The following ZNF454 variants were observed in gnomAD, a reference collection of about 807,000 sequenced individuals.
The protein encoded by ZNF454 is zinc finger protein 454.
A neutral mutation model predicts 48.2 loss-of-function variants in ZNF454; 30 were observed. The observed-to-expected ratio is 0.62, with a 90% CI of 0.47 to 0.84. The LOEUF (loss-of-function observed/expected upper bound fraction) is 0.84. Ranked by LOEUF, ZNF454 falls within the 40% of genes least tolerant of loss-of-function variation. The pLI, the probability that ZNF454 is intolerant of heterozygous loss-of-function variation, is 0.00. For synonymous variants in ZNF454, 204 were observed against 211.4 expected (o/e 0.97, Z 0.30); for missense variants, 510 against 623.1 (o/e 0.82, Z 1.93).
intron 4 of ZNF454, among the ~76,000 whole-genome samples, chr5:178,957,478 C>T (rs773890281): frequency 1.4e-4 from 21 of 151,866 alleles, no homozygotes; most frequent in Non-Finnish European, 2.5e-4. Flanking sequence ...GGCACGATCT[C>T]GGCTCACTGC....
At chr5:178,959,646 C>A (rs937524776) in intron 4 of ZNF454, among the ~76,000 whole-genome samples, 60 of 152,028 alleles carry the variant, frequency 3.9e-4, no homozygotes, top group African/African-American at 1.3e-3. Flanking sequence ...CGCTCTGTTG[C>A]CCAGGCTGGA....
At chr5:178,981,566 T>C in the ZNF454 span, 3 of 1,005,124 alleles carry the variant, frequency 3.0e-6, no homozygotes, top group African/African-American at 3.2e-5. This position sits in a 1 kb window ranked among gnomAD's most constrained non-coding sequence, Gnocchi z 5.1. Context: ...CCACTGACTG[T>C]TCACCGTGGA....
At chr5:178,973,569 C>T in the ZNF454 span, among the ~76,000 whole-genome samples, 4 of 152,144 alleles carry the variant, frequency 2.6e-5, no homozygotes, top group Admixed American at 1.3e-4. Context: ...CTGGGCCGGG[C>T]GCAGTGGCTC....
At chr5:178,989,210 CACCCTCACCA>C in the ZNF454 span, 2 of 269,408 alleles carry the variant, frequency 7.4e-6, no homozygotes, top group Non-Finnish European at 5.8e-6. Context: ...TCCCCCTCCC[CACCCTCACCA>C]CCCTCCCCAC....
In ZNF454 at chr5:178,965,990, A is replaced by T. The variant is rs1331832253; in HGVS notation, c.*17A>T. ...GAGAAGTGATATGAATGCAGTTTGT[A>T]TGGAAGACCTTTGAGACTGAGTAGA... is the stretch of plus-strand genomic sequence containing the variant. On this transcript the variant is annotated 3_prime_UTR_variant, in exon 5 of 5. Coordinates refer to ENST00000519564, the MANE Select transcript of ZNF454 (RefSeq NM_001178089.3). This position sits in a 1 kb window ranked among gnomAD's most constrained non-coding sequence, Gnocchi z 5.2. 1 of 1,527,646 alleles carries T rather than the reference A, an allele frequency of 6.5e-7. No individual in the cohort carries two copies. The highest frequency in any genetic ancestry group is 2.3e-5 in the East Asian group (1 of 44,242). The allele number at this position is 1,527,646 out of a possible 1,614,324, so 94.6% of individuals were successfully genotyped here.
At chr5:178,972,803 G>A in the ZNF454 span, among the ~76,000 whole-genome samples, 10 of 152,164 alleles carry the variant, frequency 6.6e-5, no homozygotes, top group South Asian at 1.0e-3. Flanking sequence ...AAGGGCAGGC[G>A]GAGTGCTGAC....
chr5:178,965,542 G>A lies in ZNF454; in HGVS notation c.1138G>A (p.Gly380Arg), dbSNP rs1270902528. Residue 380 changes from glycine (G) to arginine (R), a missense_variant, in exon 5 of 5, where the codon GGA (glycine) becomes AGA (arginine). Transcript: ENST00000519564. The surrounding 1 kb of genome is among the most constrained non-coding windows in gnomAD (Gnocchi z 5.2). Reference protein sequence around the residue: ...SLTEHQRIHTGEKPYKCNECG... With the variant: ...SLTEHQRIHTREKPYKCNECG... ...TACTGAACATCAGAGAATTCATACTGGAGAGAAACCTTATAAATGTAATGA... is the reference window on the plus strand; with the variant it reads ...TACTGAACATCAGAGAATTCATACTAGAGAGAAACCTTATAAATGTAATGA... The A allele has an allele frequency of 3.1e-6, 5 of 1,614,030 alleles. No individual in the cohort carries two copies. The highest frequency in any genetic ancestry group is 4.2e-6 in the Non-Finnish European group (5 of 1,180,000).
chr5:178,964,026 A>G (rs926377087), intron 4 of ZNF454, among the ~76,000 whole-genome samples: 4 of 151,424 alleles, frequency 2.6e-5, no homozygotes, highest in African/African-American at 9.7e-5. Context: ...TGTGGTCTTT[A>G]TCAGGTTTTT....
the ZNF454 span, chr5:178,986,811 C>T: frequency 1.9e-6 from 3 of 1,613,040 alleles, no homozygotes; most frequent in Non-Finnish European, 2.5e-6. Context: ...GGCCCATGCC[C>T]ACCTGGGGCT....
At chr5:178,960,509 C>T (rs1460872269) in intron 4 of ZNF454, among the ~76,000 whole-genome samples, 4 of 151,760 alleles carry the variant, frequency 2.6e-5, no homozygotes, top group African/African-American at 9.7e-5. Flanking sequence ...CCGCCTTGGC[C>T]TCCCAAAGTT....
In ZNF454 at chr5:178,965,891, A is replaced by G. The variant is rs1467623520; in HGVS notation, c.1487A>G (p.Tyr496Cys). ...AGGATTCACACAGGAGAGAAACCCT[A>G]TAAATGTAATAAATGTGGGAAAGCT... Reference protein sequence around the residue: ...HQRIHTGEKPYKCNKCGKAFN... With the variant: ...HQRIHTGEKPCKCNKCGKAFN... The change falls in exon 5 of 5, where the codon TAT becomes TGT. Residue 496 changes from tyrosine (Y) to cysteine (C), a missense_variant. By Grantham distance (194) the Tyr-to-Cys change is radical (BLOSUM62 -2). Transcript: ENST00000519564. The surrounding 1 kb of genome is among the most constrained non-coding windows in gnomAD (Gnocchi z 5.2). 1 of 1,610,914 alleles carries G rather than the reference A, an allele frequency of 6.2e-7. No individual in the cohort carries two copies. The highest frequency in any genetic ancestry group is 1.1e-5 in the South Asian group (1 of 90,710).
chr5:178,972,327 T>A, the ZNF454 span, among the ~76,000 whole-genome samples: 1 of 152,218 alleles, frequency 6.6e-6, no homozygotes, highest in East Asian at 1.9e-4. Context: ...ATTTTACAAC[T>A]GTGTTGGTAT....
chr5:178,954,124 G>A (rs1759659235), intron 4 of ZNF454, among the ~76,000 whole-genome samples: 1 of 152,022 alleles, frequency 6.6e-6, no homozygotes, highest in Non-Finnish European at 1.5e-5. Context: ...CGGGTGTGGT[G>A]GTGGGAGCCT....
At chr5:178,974,990 T>C in the ZNF454 span, among the ~76,000 whole-genome samples, 1 of 152,328 alleles carries the variant, frequency 6.6e-6, no homozygotes, top group African/African-American at 2.4e-5. Context: ...TTTTATTCTT[T>C]TCCCAAAATA....
At position 178,941,899 on chromosome 5, in the gene ZNF454, T is replaced by C. The variant is rs1007432599; in HGVS notation, c.-108+455T>C. ...AGGCTTCGACAGTGAAGAGCCTTCT[T>C]AGCCTCCTTTCTGAGGAGGAAGAAG... On this transcript the variant is annotated intron_variant, in intron 1 of 4. Coordinates refer to ENST00000519564, the MANE Select transcript of ZNF454 (RefSeq NM_001178089.3). The surrounding 1 kb of genome is among the most constrained non-coding windows in gnomAD (Gnocchi z 5.5). Among the ~76,000 whole-genome samples the C allele has an allele frequency of 1.3e-5, 2 of 151,964 alleles. No individual in the cohort carries two copies. The highest frequency in any genetic ancestry group is 4.8e-5 in the African/African-American group (2 of 41,364).
chr5:178,970,975 G>A (rs1056903036), downstream of ZNF454, among the ~76,000 whole-genome samples: 2 of 152,216 alleles, frequency 1.3e-5, no homozygotes, highest in Non-Finnish European at 2.9e-5. Context: ...AATGTAAAGA[G>A]CTGTTTCCCA....
At chr5:178,989,002 C>G in the ZNF454 span, 2 of 1,613,972 alleles carry the variant, frequency 1.2e-6, no homozygotes, top group Non-Finnish European at 1.7e-6. Flanking sequence ...TCGCCGGGCA[C>G]AGGCCTGTGT....
chr5:178,968,722 C>T (rs1305231933), downstream of ZNF454: 2 of 456,104 alleles, frequency 4.4e-6, no homozygotes, highest in Non-Finnish European at 8.8e-6. Context: ...AACTACCACC[C>T]CCTTACCTTG....
downstream of ZNF454, chr5:178,968,749 G>A (rs1485589975): frequency 6.6e-6 from 3 of 456,634 alleles, no homozygotes; most frequent in Non-Finnish European, 4.4e-6. Context: ...TGAGAAGCAC[G>A]TTTCTAAGCT....
Sources: gnomAD v4.1 joint callset for allele counts (sites outside exome capture counted in the v4.1 genomes callset) on GRCh38, gnomAD v4.1.1 for gene constraint, Gnocchi (gnomAD v3.1) non-coding constraint, MANE v1.5 for transcripts, NCBI Gene and HGNC (gene_info 2026-07-23, HGNC 2026-07-21) for gene names.